Variants in RERE observed in about 807,000 individuals in gnomAD.
The protein encoded by RERE is arginine-glutamic acid dipeptide repeats.
Under a neutral mutation model 146.1 loss-of-function variants are expected in RERE, and 40 were observed. The observed-to-expected ratio is 0.27, with a 90% CI of 0.21 to 0.36. The LOEUF (loss-of-function observed/expected upper bound fraction) is 0.36. Ranked by LOEUF, RERE falls within the 10% of genes least tolerant of loss-of-function variation. The probability of loss-of-function intolerance (pLI) is 1.00; values close to 1 mark genes in which losing one functional copy is unlikely to be tolerated. For synonymous variants in RERE, 1,003 were observed against 866.0 expected (o/e 1.16, Z -2.78); for missense variants, 1,933 against 2,138.7 (o/e 0.90, Z 1.90).
Position 8,520,753 on chromosome 1 carries a change from T to TAAAAAA in RERE, c.831-12079_831-12078insTTTTTT, listed in dbSNP as rs368609572. ...CATGGAGATTCAGCCAAAAAACTTT[T>TAAAAAA]TAAAAAAAAAAAAAAAAAAAAAACC... On this transcript the variant is annotated intron_variant, in intron 7 of 22. Coordinates refer to ENST00000400908, the MANE Select transcript of RERE (RefSeq NM_001042681.2). Among the ~76,000 whole-genome samples, 29 of 78,148 alleles carry TAAAAAA rather than the reference T, an allele frequency of 3.7e-4. 1 individual carries two copies. In the East Asian group the frequency reaches 4.3e-3, roughly 12 times the overall value. 51.3% of individuals were successfully genotyped at this position (78,148 alleles called of 152,430 possible). A position where few individuals can be genotyped will look rare whatever the true frequency, so the allele number is the denominator to read the frequency against.
chr1:8,741,744 G>T (rs562558418), intron 1 of RERE, among the ~76,000 whole-genome samples: 4 of 152,314 alleles, frequency 2.6e-5, no homozygotes. Context: ...GTCTTAGACA[G>T]TTCTTTATAG....
chr1:8,508,691 A>T lies in RERE; in HGVS notation c.831-16T>A, dbSNP rs1311383290. 1.2e-6 allele frequency: 2 copies of T among 1,606,492 alleles called. No individual in the cohort carries two copies. The highest frequency in any genetic ancestry group is 2.2e-5 in the South Asian group (2 of 90,428). On this transcript the variant is annotated splice_polypyrimidine_tract_variant and intron_variant, in intron 7 of 22. Transcript: ENST00000400908. ...GTTCAGCCTCCTGGAACAGAAATAG[A>T]GCAGATTAAGTTAGCGCAATACAGT... is the stretch of plus-strand genomic sequence containing the variant.
At position 8,705,616 on chromosome 1, in the gene RERE, T is replaced by C. The variant is rs755301325; in HGVS notation, c.-144-49175A>G. On this transcript the variant is annotated intron_variant, in intron 1 of 22. Transcript: ENST00000400908. Reference sequence around the variant, plus strand: ...TGGGTGTGATTTTTTTTAACACTCATAGCCCCTTCTAAACAGTTCCATAGA... The same window carrying C: ...TGGGTGTGATTTTTTTTAACACTCACAGCCCCTTCTAAACAGTTCCATAGA... Among the ~76,000 whole-genome samples the C allele has an allele frequency of 1.5e-4, 23 of 152,170 alleles. 1 individual carries two copies. The highest frequency in any genetic ancestry group is 5.1e-4 in the African/African-American group (21 of 41,436).
chr1:8,659,880 C>T (rs1174553300), intron 1 of RERE, among the ~76,000 whole-genome samples: 1 of 152,042 alleles, frequency 6.6e-6, no homozygotes, highest in East Asian at 1.9e-4. Flanking sequence ...TTTCTATTTA[C>T]AAAGAAAATA....
chr1:8,355,948 C>T, intron 21 of RERE, 152 bp downstream of exon 21: 1 of 802,876 alleles, frequency 1.2e-6, no homozygotes, highest in East Asian at 3.0e-5. Context: ...GGGCAGGAGG[C>T]TTGTTCCCCC....
chr1:8,405,353 C>A (rs544226100), intron 12 of RERE, among the ~76,000 whole-genome samples: 19 of 152,194 alleles, frequency 1.2e-4, no homozygotes, highest in African/African-American at 4.1e-4. Flanking sequence ...CCGAAAAATA[C>A]CCCAGAAACT....
intron 1 of RERE, among the ~76,000 whole-genome samples, chr1:8,740,682 T>C (rs749947131): frequency 2.0e-4 from 31 of 152,218 alleles, no homozygotes; most frequent in Non-Finnish European, 3.7e-4. Flanking sequence ...TTTTTTAATG[T>C]TTTTGTTGAA....
At chr1:8,734,764 A>C (rs1003426159) in intron 1 of RERE, among the ~76,000 whole-genome samples, 1 of 152,196 alleles carries the variant, frequency 6.6e-6, no homozygotes, top group South Asian at 2.1e-4. Context: ...AGACTATTTC[A>C]AGCCATTATG....
chr1:8,552,074 G>A (rs1645942433), intron 6 of RERE, among the ~76,000 whole-genome samples: 1 of 152,206 alleles, frequency 6.6e-6, no homozygotes, highest in Non-Finnish European at 1.5e-5. Context: ...ATGCAGTAAT[G>A]CTGAACTTCA....
At chr1:8,560,401 C>A (rs1240053670) in intron 4 of RERE, among the ~76,000 whole-genome samples, 1 of 152,152 alleles carries the variant, frequency 6.6e-6, no homozygotes, top group East Asian at 1.9e-4. Flanking sequence ...TCTAGTAATT[C>A]ATTTTGTTTT....
intron 8 of RERE, among the ~76,000 whole-genome samples, chr1:8,498,586 C>T (rs1157409684): frequency 1.3e-5 from 2 of 149,594 alleles, no homozygotes; most frequent in Non-Finnish European, 3.0e-5. Flanking sequence ...ATCCCAGCTA[C>T]TTGGGAGGTT....
At chr1:8,549,241 G>A (rs1436936071) in intron 6 of RERE, among the ~76,000 whole-genome samples, 1 of 152,142 alleles carries the variant, frequency 6.6e-6, no homozygotes, top group Non-Finnish European at 1.5e-5. Context: ...AGCGCTGGAA[G>A]TTAGAAAATA....
At chr1:8,501,982 A>C in intron 8 of RERE, among the ~76,000 whole-genome samples, 1 of 65,698 alleles carries the variant, frequency 1.5e-5, no homozygotes, top group African/African-American at 5.9e-5. Context: ...TCCGGGAGGG[A>C]GGTGGGGGGG....
At chr1:8,487,407 C>T (rs1037263023) in intron 10 of RERE, among the ~76,000 whole-genome samples, 1 of 151,882 alleles carries the variant, frequency 6.6e-6, no homozygotes, top group Non-Finnish European at 1.5e-5. Flanking sequence ...AGTGAGACCC[C>T]GTCACTACAA....
chr1:8,803,494 T>C (rs1046678609), intron 1 of RERE, among the ~76,000 whole-genome samples: 2 of 151,732 alleles, frequency 1.3e-5, no homozygotes, highest in Non-Finnish European at 2.9e-5. Flanking sequence ...AAAAAAGAAG[T>C]CACTGTTCAT....
intron 1 of RERE, among the ~76,000 whole-genome samples, chr1:8,763,521 G>T (rs1283086726): frequency 6.6e-6 from 1 of 152,216 alleles, no homozygotes; most frequent in African/African-American, 2.4e-5. Context: ...TGTAATCCCA[G>T]CCACTCAGGA....
rs1180720072 is a variant in RERE, at chr1:8,356,739, C to G, written c.4340-493G>C. Among the ~76,000 whole-genome samples the G allele has an allele frequency of 1.3e-5, 2 of 152,166 alleles. No individual in the cohort carries two copies. The highest frequency in any genetic ancestry group is 2.9e-5 in the Non-Finnish European group (2 of 68,006). ...GGACCTGGCACAGCACTGCCCTCTC[C>G]TCTCTGCTGGCACAAATCTTGCGTC... On this transcript the variant is annotated intron_variant, in intron 20 of 22. Coordinates refer to ENST00000400908, the MANE Select transcript of RERE (RefSeq NM_001042681.2). This position sits in a 1 kb window ranked among gnomAD's most constrained non-coding sequence, Gnocchi z 5.2.
rs74224602 is a variant in RERE at position 8,378,677 on chromosome 1, T to C, written c.1285-12703A>G. Reference sequence around the variant, plus strand: ...ACCCTACTGAACTCTGGTCTTGGACTTCCAACTTCCAGAACTGTAAGAAAA... The same window carrying C: ...ACCCTACTGAACTCTGGTCTTGGACCTCCAACTTCCAGAACTGTAAGAAAA... On this transcript the variant is annotated intron_variant, in intron 12 of 22. Coordinates refer to ENST00000400908, the MANE Select transcript of RERE (RefSeq NM_001042681.2). Among the ~76,000 whole-genome samples, 71 of 152,336 alleles carry C rather than the reference T, an allele frequency of 4.7e-4. No homozygotes were observed. In the East Asian group the frequency reaches 0.013, roughly 27 times the overall value.
At chr1:8,386,014 ATATATATATTTTTTTTTT>A (rs1483040890) in intron 12 of RERE, among the ~76,000 whole-genome samples, 99 of 44,602 alleles carry the variant, frequency 2.2e-3, no homozygotes, top group African/African-American at 9.2e-3. Context: ...ATATATATAT[ATATATATATTTTTTTTTT>A]TTTTTTTTTT....
Sources: gnomAD v4.1 joint callset for allele counts (sites outside exome capture counted in the v4.1 genomes callset) on GRCh38, gnomAD v4.1.1 for gene constraint, Gnocchi (gnomAD v3.1) non-coding constraint, MANE v1.5 for transcripts, NCBI Gene and HGNC (gene_info 2026-07-23, HGNC 2026-07-21) for gene names.